Variants in PDE10A observed in about 807,000 individuals in gnomAD.
PDE10A encodes the protein phosphodiesterase 10A.
PDE10A carries 39 observed loss-of-function variants against 97.7 expected under a neutral mutation model. The observed-to-expected ratio is 0.40, with a 90% CI of 0.31 to 0.52. The LOEUF (loss-of-function observed/expected upper bound fraction) is 0.52. PDE10A is among the 20% of genes least tolerant of loss of function. The pLI, the probability that PDE10A is intolerant of heterozygous loss-of-function variation, is 0.56. For missense variants in PDE10A, 731 were observed against 1,047.8 expected, an observed-to-expected ratio of 0.70 and a Z score of 4.17; for synonymous variants, 371 against 376.8, an observed-to-expected ratio of 0.98 and a Z score of 0.18.
chr6:165,968,235 G>A (rs1314434563), intron 1 of PDE10A, among the ~76,000 whole-genome samples: 1 of 152,218 alleles, frequency 6.6e-6, no homozygotes, highest in Admixed American at 6.5e-5. Flanking sequence ...AGAGTATTGT[G>A]CAGGATTCAC....
intron 1 of PDE10A, among the ~76,000 whole-genome samples, chr6:165,874,550 T>C (rs1305458612): frequency 6.6e-6 from 1 of 152,198 alleles, no homozygotes; most frequent in Non-Finnish European, 1.5e-5. Context: ...AAATGATCAT[T>C]AGATGACTAC....
intron 1 of PDE10A, among the ~76,000 whole-genome samples, chr6:165,643,142 T>C (rs962066355): frequency 8.5e-5 from 13 of 152,148 alleles, no homozygotes; most frequent in African/African-American, 3.1e-4. Context: ...TTCTGAATTA[T>C]AGTTCTAAGA....
chr6:165,352,813 C>T (rs991246779), intron 18 of PDE10A, among the ~76,000 whole-genome samples: 1 of 151,920 alleles, frequency 6.6e-6, no homozygotes. Flanking sequence ...AAATACAACA[C>T]AAAGGCATGA....
intron 1 of PDE10A, among the ~76,000 whole-genome samples, chr6:165,779,779 CCTG>C (rs1398749002): frequency 6.6e-6 from 1 of 152,154 alleles, no homozygotes; most frequent in East Asian, 1.9e-4. Context: ...CCAGGGGCTC[CCTG>C]CACCTCCCTC....
chr6:165,984,781 G>A (rs540384983), intron 1 of PDE10A, among the ~76,000 whole-genome samples: 1 of 152,264 alleles, frequency 6.6e-6, no homozygotes, highest in East Asian at 1.9e-4. Context: ...GAAAGTCAAA[G>A]CCTGCAGTTA....
At chr6:165,609,948 G>C (rs1236194140) in intron 1 of PDE10A, among the ~76,000 whole-genome samples, 1 of 152,150 alleles carries the variant, frequency 6.6e-6, no homozygotes, top group African/African-American at 2.4e-5. Flanking sequence ...GTAATTTATA[G>C]ATTCAATGCC....
intron 2 of PDE10A, among the ~76,000 whole-genome samples, chr6:165,492,875 T>A (rs1373663100): frequency 6.6e-6 from 1 of 151,832 alleles, no homozygotes; most frequent in African/African-American, 2.4e-5. Context: ...GCATCTAAAC[T>A]GGTAAAGAAG....
chr6:165,418,705 A>G lies in PDE10A; in HGVS notation c.1726T>C (p.Tyr576His), dbSNP rs759802430. Reference sequence around the variant, plus strand: ...TCTCCAATATCAAAAAGGTCTGAATATAACTCCTTGTTCTTATGGTCCACC... The same window carrying G: ...TCTCCAATATCAAAAAGGTCTGAATGTAACTCCTTGTTCTTATGGTCCACC... ...FQVDHKNKEL[Y>H]SDLFDIGEEK... Residue 576 changes from tyrosine to histidine, a missense_variant, in exon 11 of 22, where the codon TAT becomes CAT. This residue lies in a region of PDE10A where 108 missense variants were observed against 199.8 expected (regional missense o/e 0.54). Transcript: ENST00000539869. This position sits in a 1 kb window ranked among gnomAD's most constrained non-coding sequence, Gnocchi z 4.8. The G allele has an allele frequency of 1.1e-5, 17 of 1,613,698 alleles. No individual in the cohort carries two copies. The highest frequency in any genetic ancestry group is 1.4e-5 in the Non-Finnish European group (17 of 1,179,806).
chr6:165,478,907 G>A (rs1199796053), intron 3 of PDE10A, among the ~76,000 whole-genome samples: 4 of 152,066 alleles, frequency 2.6e-5, no homozygotes, highest in South Asian at 4.2e-4. Context: ...TTTTGAATCC[G>A]ACTATGACCT....
chr6:165,968,771 A>G (rs1241141461), intron 1 of PDE10A, among the ~76,000 whole-genome samples: 1 of 152,242 alleles, frequency 6.6e-6, no homozygotes, highest in Non-Finnish European at 1.5e-5. Context: ...TTTATCTCTA[A>G]CATCTACTCT....
chr6:165,823,539 A>AAATATTATATTTATAATTTATAACTCTAT (rs71029564), intron 1 of PDE10A, among the ~76,000 whole-genome samples: 1 of 117,268 alleles, frequency 8.5e-6, no homozygotes. Context: ...CCTTAATTAT[A>AAATATTATATTTATAATTTATAACTCTAT]AATATTATAT....
chr6:165,713,257 C>T (rs1791946398), intron 1 of PDE10A, among the ~76,000 whole-genome samples: 1 of 152,168 alleles, frequency 6.6e-6, no homozygotes, highest in Admixed American at 6.5e-5. Flanking sequence ...CTCCAGGGCA[C>T]CTGCAGTGTG....
At chr6:165,431,115 C>T (rs1789520155) in intron 8 of PDE10A, among the ~76,000 whole-genome samples, 1 of 151,894 alleles carries the variant, frequency 6.6e-6, no homozygotes, top group South Asian at 2.1e-4. Flanking sequence ...GGAGATTGTT[C>T]CTAGGTTTTC....
intron 1 of PDE10A, among the ~76,000 whole-genome samples, chr6:165,777,623 A>G (rs1778222549): frequency 6.6e-6 from 1 of 152,234 alleles, no homozygotes; most frequent in South Asian, 2.1e-4. Flanking sequence ...TTGGGGGGAA[A>G]ATGCCGGCTG....
At chr6:165,701,643 A>ATGTGTG (rs1300854208) in intron 1 of PDE10A, among the ~76,000 whole-genome samples, 1 of 84,890 alleles carries the variant, frequency 1.2e-5, no homozygotes, top group Non-Finnish European at 2.3e-5. Context: ...TCTACTCTTC[A>ATGTGTG]TGTATGTGTG....
intron 2 of PDE10A, among the ~76,000 whole-genome samples, chr6:165,532,923 A>G (rs1181417769): frequency 1.3e-5 from 2 of 152,166 alleles, no homozygotes; most frequent in African/African-American, 4.8e-5. Flanking sequence ...TCACCACAAA[A>G]TAAGAAGTTT....
intron 3 of PDE10A, among the ~76,000 whole-genome samples, chr6:165,464,008 G>A (rs1402702853): frequency 6.6e-6 from 1 of 152,192 alleles, no homozygotes; most frequent in Non-Finnish European, 1.5e-5. Context: ...CAATGCTAAT[G>A]ACTGGCTTGC....
intron 12 of PDE10A, among the ~76,000 whole-genome samples, chr6:165,414,918 C>T (rs1280175486): frequency 1.3e-5 from 2 of 152,308 alleles, no homozygotes; most frequent in East Asian, 3.9e-4. Context: ...CTATATTCCC[C>T]TCACTTCGAG....
intron 1 of PDE10A, among the ~76,000 whole-genome samples, chr6:165,752,618 TG>T (rs1455630993): frequency 1.2e-4 from 19 of 152,210 alleles, no homozygotes; most frequent in African/African-American, 4.6e-4. Flanking sequence ...CATGTCAAAC[TG>T]GGAAGAGACA....
Sources: allele counts gnomAD v4.1 joint callset (sites outside exome capture counted in the v4.1 genomes callset), GRCh38; gene constraint gnomAD v4.1.1; regional missense constraint gnomAD v4.1.1; non-coding constraint Gnocchi (gnomAD v3.1); transcripts MANE v1.5; gene names NCBI Gene and HGNC (gene_info 2026-07-23, HGNC 2026-07-21).